TMEM63C: variants seen among roughly 807,000 people sequenced by gnomAD.
TMEM63C encodes transmembrane protein 63C, also known as osmosensitive cation channel TMEM63C.
A neutral mutation model predicts 99.2 loss-of-function variants in TMEM63C; 32 were observed. The ratio of observed to expected loss-of-function variants is 0.32; its 90% CI spans 0.24 to 0.43. The LOEUF (loss-of-function observed/expected upper bound fraction) is 0.43, where lower values mean the gene tolerates loss of function less well. Among genes scored for constraint, TMEM63C ranks in the 20% least tolerant of loss-of-function variants. The pLI is 1.00. For missense variants in TMEM63C, 826 were observed against 1,053.0 expected, an observed-to-expected ratio of 0.78 and a Z score of 2.98; for synonymous variants, 376 against 397.9, an observed-to-expected ratio of 0.94 and a Z score of 0.66.
intron 6 of TMEM63C, among the ~76,000 whole-genome samples, chr14:77,226,311 G>A (rs769666644): frequency 6.6e-6 from 1 of 152,174 alleles, no homozygotes; most frequent in Non-Finnish European, 1.5e-5. Context: ...GGGAAAGCAG[G>A]AAGGCAGGGC....
rs915472068 is a variant in TMEM63C at position 77,219,925 on chromosome 14, A to G, written c.231-81A>G. 10 of 1,335,282 alleles carry G rather than the reference A, an allele frequency of 7.5e-6. No individual in the cohort carries two copies. In the Admixed American group the frequency reaches 2.0e-4, roughly 26 times the overall value. 82.7% of individuals were successfully genotyped at this position (1,335,282 alleles called of 1,614,324 possible). A position where few individuals can be genotyped will look rare whatever the true frequency, so the allele number is the denominator to read the frequency against. On this transcript the variant is annotated intron_variant, in intron 4 of 23. Coordinates refer to ENST00000298351, the MANE Select transcript of TMEM63C (RefSeq NM_020431.4). ...GCAGAGCAGAGGGCAGCCCTCAGCC[A>G]GGGAGTGGGGAGGGAGCAGGGCAGG...
intron 1 of TMEM63C, among the ~76,000 whole-genome samples, chr14:77,204,674 G>A (rs1180923710): frequency 6.6e-6 from 1 of 152,170 alleles, no homozygotes; most frequent in East Asian, 1.9e-4. Flanking sequence ...AAACAACATC[G>A]AATGTACTAG....
chr14:77,240,931 CT>C lies in TMEM63C; in HGVS notation c.1064+338del, dbSNP rs575279817. Among the ~76,000 whole-genome samples the C allele has an allele frequency of 1.0e-3, 129 of 128,452 alleles. 1 individual carries two copies. The highest frequency in any genetic ancestry group is 1.8e-3 in the East Asian group (8 of 4,570). 84.3% of individuals were successfully genotyped at this position (128,452 alleles called of 152,430 possible). A position where few individuals can be genotyped will look rare whatever the true frequency, so the allele number is the denominator to read the frequency against. ...AGAATGACATCCCTTTTCCCTTTTT[CT>C]TTTTTTTTTTTTTTCTTTTTTTTTT... On this transcript the variant is annotated intron_variant, in intron 13 of 23. Transcript: ENST00000298351.
intron 1 of TMEM63C, among the ~76,000 whole-genome samples, chr14:77,200,870 C>G (rs7140198): frequency 0.42 from 63,953 of 151,970 alleles, 13,914 homozygotes; most frequent in Admixed American, 0.53. Context: ...GACAATAGTT[C>G]CCCTCTTGGT....
chr14:77,230,963 G>A (rs1410883795), intron 6 of TMEM63C, among the ~76,000 whole-genome samples: 1 of 152,154 alleles, frequency 6.6e-6, no homozygotes, highest in African/African-American at 2.4e-5. Flanking sequence ...CATTTCTGTT[G>A]GGTATAAACC....
chr14:77,210,582 C>T (rs1888479121), intron 1 of TMEM63C, among the ~76,000 whole-genome samples: 1 of 152,116 alleles, frequency 6.6e-6, no homozygotes, highest in Admixed American at 6.5e-5. Flanking sequence ...CACACTTCCT[C>T]CAATAGTAAC....
At chr14:77,196,895 G>T (rs923605199) in intron 1 of TMEM63C, among the ~76,000 whole-genome samples, 1 of 152,076 alleles carries the variant, frequency 6.6e-6, no homozygotes, top group Non-Finnish European at 1.5e-5. Flanking sequence ...TTGCCCCTCA[G>T]CCCAGCCTGT....
intron 6 of TMEM63C, among the ~76,000 whole-genome samples, chr14:77,230,044 T>C (rs746760048): frequency 1.8e-4 from 27 of 151,566 alleles, no homozygotes; most frequent in Non-Finnish European, 3.4e-4. Context: ...TACTAAAAAA[T>C]ACAAAAAATT....
chr14:77,256,379 C>CAGG, intron 23 of TMEM63C, 147 bp from the exon 24 acceptor site: 1 of 760,208 alleles, frequency 1.3e-6, no homozygotes, highest in Non-Finnish European at 2.2e-6. Flanking sequence ...GTGGGACAGA[C>CAGG]AGGACCCAGG....
Position 77,238,570 on chromosome 14 carries a change from G to A in TMEM63C, c.652-124G>A, listed in dbSNP as rs1274331028. On this transcript the variant is annotated intron_variant, in intron 9 of 23. Coordinates refer to ENST00000298351, the MANE Select transcript of TMEM63C (RefSeq NM_020431.4). ...TGGCTTTCTTGGCTCTCTCAGCAAG[G>A]AGGCACTGGCATCAGCAGCCTGCTG... 8.0e-5 allele frequency: 59 copies of A among 737,338 alleles called. No individual in the cohort carries two copies. The East Asian group carries it at 1.6e-3, about 20-fold the overall frequency. 45.7% of individuals were successfully genotyped at this position (737,338 alleles called of 1,614,324 possible).
rs376768950 is a variant in TMEM63C at position 77,223,364 on chromosome 14, G to A, written c.313-2060G>A. ...AGGTGGCCCCCACAGTGTCCAGCCA[G>A]GATGGGGAGCCTTCAGCCAGAGCCA... On this transcript the variant is annotated intron_variant, in intron 5 of 23. Transcript: ENST00000298351. 7.9e-3 allele frequency among the ~76,000 whole-genome samples: 1,043 copies of A among 131,216 alleles called. 9 individuals are homozygous for A. Among genetic ancestry groups the A allele is most frequent in the African/African-American group, 0.026 (1,000 of 38,740 alleles). The allele number at this position is 131,216 out of a possible 152,430, so 86.1% of individuals were successfully genotyped here.
chr14:77,220,470 TGTG>T (rs567735337), intron 5 of TMEM63C, among the ~76,000 whole-genome samples: 13 of 152,096 alleles, frequency 8.5e-5, no homozygotes, highest in Non-Finnish European at 1.2e-4. Flanking sequence ...ATTCTAGTCA[TGTG>T]GTAGGGATTC....
At chr14:77,214,296 G>T (rs1265880913) in intron 2 of TMEM63C, among the ~76,000 whole-genome samples, 1 of 152,156 alleles carries the variant, frequency 6.6e-6, no homozygotes, top group African/African-American at 2.4e-5. Flanking sequence ...GTGAGGCATG[G>T]GGACTGTAAG....
intron 1 of TMEM63C, among the ~76,000 whole-genome samples, chr14:77,190,484 C>T (rs1011201908): frequency 1.8e-4 from 28 of 152,010 alleles, no homozygotes; most frequent in Non-Finnish European, 3.4e-4. Flanking sequence ...AGAAAAATAA[C>T]TAAAAAATCT....
At chr14:77,250,586 G>A (rs947574943) in intron 21 of TMEM63C, among the ~76,000 whole-genome samples, 1 of 151,914 alleles carries the variant, frequency 6.6e-6, no homozygotes, top group Non-Finnish European at 1.5e-5. Flanking sequence ...ACTACAGGCG[G>A]GTGCCACCAC....
intron 1 of TMEM63C, among the ~76,000 whole-genome samples, chr14:77,194,532 TC>T (rs1410597747): frequency 7.2e-5 from 3 of 41,542 alleles, no homozygotes; most frequent in African/African-American, 2.5e-4. Context: ...TTTCTTTCTT[TC>T]TTTCTTTCTT....
intron 21 of TMEM63C, 42 bp from the exon 22 acceptor site, chr14:77,251,747 G>A: frequency 6.5e-7 from 1 of 1,545,046 alleles, no homozygotes; most frequent in Non-Finnish European, 8.9e-7. Flanking sequence ...TGGCATCTCG[G>A]CTGGCAGACT....
intron 1 of TMEM63C, among the ~76,000 whole-genome samples, chr14:77,209,566 C>A (rs1312666657): frequency 2.0e-5 from 3 of 152,142 alleles, no homozygotes. Context: ...TGCTCACGTG[C>A]ATGGGAAAAT....
intron 15 of TMEM63C, among the ~76,000 whole-genome samples, chr14:77,243,481 G>A (rs1398643966): frequency 6.6e-6 from 1 of 152,144 alleles, no homozygotes. Flanking sequence ...GGTTAAAGGT[G>A]AGGAAGAGTG....
Sources: gnomAD v4.1 joint callset for allele counts (sites outside exome capture counted in the v4.1 genomes callset) on GRCh38, gnomAD v4.1.1 for gene constraint, MANE v1.5 for transcripts, NCBI Gene and HGNC (gene_info 2026-07-23, HGNC 2026-07-21) for gene names.